Variants in TRABD2A observed in about 807,000 individuals in gnomAD.
TRABD2A encodes the protein TraB domain containing 2A.
In TRABD2A, 43 loss-of-function variants were observed where a neutral mutation model predicts 45.6. The ratio of observed to expected loss-of-function variants is 0.94; its 90% CI spans 0.74 to 1.22. The LOEUF (loss-of-function observed/expected upper bound fraction) is 1.22, where lower values mean the gene tolerates loss of function less well. TRABD2A is among the 50% of genes most tolerant of loss of function. The probability of loss-of-function intolerance (pLI) is 0.00; values close to 1 mark genes in which losing one functional copy is unlikely to be tolerated. For missense variants in TRABD2A, 642 were observed against 652.4 expected, an observed-to-expected ratio of 0.98 and a Z score of 0.17; for synonymous variants, 269 against 265.0, an observed-to-expected ratio of 1.02 and a Z score of -0.15.
At chr2:84,868,699 G>T (rs1682774369) in intron 2 of TRABD2A, among the ~76,000 whole-genome samples, 1 of 152,154 alleles carries the variant, frequency 6.6e-6, no homozygotes, top group South Asian at 2.1e-4. Context: ...AAAAGAGACA[G>T]TGTTGCACAC....
rs1286351398 is a variant in TRABD2A at position 84,839,229 on chromosome 2, C to T, written c.911G>A (p.Arg304Gln). ...CACCCGCTTCCCTATTCTCTCATTC[C>T]GCTTGTAGATCAGCTCCCGGCGTAA... ...SYLRRELIYK[R>Q]NERIGKRVKA... The change falls in exon 4 of 7, where the codon CGG becomes CAG. Residue 304 changes from arginine to glutamine, a missense_variant. Coordinates refer to ENST00000409520, the MANE Select transcript of TRABD2A (RefSeq NM_001277053.2). 3.7e-6 allele frequency: 6 copies of T among 1,613,802 alleles called. No homozygotes were observed. Among genetic ancestry groups the T allele is most frequent in the African/African-American group, 1.3e-5 (1 of 74,884 alleles).
At chr2:84,863,673 G>A (rs7598566) in intron 2 of TRABD2A, among the ~76,000 whole-genome samples, 19,868 of 141,558 alleles carry the variant, frequency 0.14, 1,794 homozygotes, top group African/African-American at 0.27. Flanking sequence ...GTGCAGTGGC[G>A]CAATCTCGGC....
chr2:84,865,657 AC>A, intron 2 of TRABD2A, among the ~76,000 whole-genome samples: 1 of 152,118 alleles, frequency 6.6e-6, no homozygotes, highest in South Asian at 2.1e-4. Context: ...TTCCTGCCCC[AC>A]CCCACCACGA....
chr2:84,870,284 C>A lies in TRABD2A; in HGVS notation c.610G>T (p.Gly204Trp), dbSNP rs1682828237. Residue 204 changes from glycine (G) to tryptophan (W), a missense_variant, in exon 2 of 7, where the codon GGG (glycine) becomes TGG (tryptophan). Gly to Trp is a radical substitution (Grantham distance 184). Coordinates refer to ENST00000409520, the MANE Select transcript of TRABD2A (RefSeq NM_001277053.2). ...TGCTCTTCCACCTTTTCCACTGCCC[C>A]AGTCTGTTTCCTCAGCCGCTCAGCC... The part of the protein sequence containing the change: ...QEAERLRKQT[G>W]AVEKVEEQCH... 6.2e-7 allele frequency: 1 copy of A among 1,613,866 alleles called. No homozygotes were observed. The highest frequency in any genetic ancestry group is 1.3e-5 in the African/African-American group (1 of 74,908).
At chr2:84,859,457 G>T (rs1267039919) in intron 2 of TRABD2A, among the ~76,000 whole-genome samples, 1 of 152,206 alleles carries the variant, frequency 6.6e-6, no homozygotes, top group Non-Finnish European at 1.5e-5. Flanking sequence ...TAAACATCTG[G>T]AAAGTTAATC....
intron 2 of TRABD2A, among the ~76,000 whole-genome samples, chr2:84,858,855 C>T (rs144823147): frequency 1.3e-5 from 2 of 152,348 alleles, no homozygotes; most frequent in African/African-American, 2.4e-5. Flanking sequence ...TGGCCATGCA[C>T]AGTGGTCCAC....
At chr2:84,843,673 C>T (rs1476750267) in intron 2 of TRABD2A, 1 of 152,276 alleles carries the variant, frequency 6.6e-6, no homozygotes, top group African/African-American at 2.4e-5. Flanking sequence ...GGCAAGCTAA[C>T]TGAATGGCTG....
rs1444424358 is a variant in TRABD2A, at chr2:84,870,742, G to A, written c.152C>T (p.Pro51Leu). 1.3e-6 allele frequency: 2 copies of A among 1,598,208 alleles called. No individual in the cohort carries two copies. The highest frequency in any genetic ancestry group is 1.7e-6 in the Non-Finnish European group (2 of 1,172,324). Reference sequence around the variant, plus strand: ...GATTGTGCCAAAGAAGTAAGATGGTGGGTCTCGCTTAATGGTCCACAAGAA... The same window carrying A: ...GATTGTGCCAAAGAAGTAAGATGGTAGGTCTCGCTTAATGGTCCACAAGAA... ...NSFLWTIKRD[P>L]PSYFFGTIHV... The change falls in exon 2 of 7, where the codon CCA becomes CTA. Residue 51 changes from proline to leucine, a missense_variant. Physicochemically the swap from Pro to Leu is moderately conservative, Grantham distance 98 (BLOSUM62 -3). Transcript: ENST00000409520.
chr2:84,846,154 A>G (rs1681888405), intron 2 of TRABD2A, among the ~76,000 whole-genome samples: 1 of 152,146 alleles, frequency 6.6e-6, no homozygotes, highest in African/African-American at 2.4e-5. Flanking sequence ...CCATACTATA[A>G]ACACTCTTCT....
At chr2:84,838,724 G>A (rs1681603825) in intron 4 of TRABD2A, among the ~76,000 whole-genome samples, 1 of 152,190 alleles carries the variant, frequency 6.6e-6, no homozygotes, top group African/African-American at 2.4e-5. Flanking sequence ...CTCCATGTGT[G>A]CTGCTAACAG....
rs543037370 is a variant in TRABD2A, at chr2:84,866,000, G to A, written c.669+4225C>T. Among the ~76,000 whole-genome samples the A allele has an allele frequency of 1.2e-4, 19 of 152,312 alleles. No homozygotes were observed. In the South Asian group the frequency reaches 3.3e-3, roughly 27 times the overall value. ...AGGAGTCATAACTTGATTCGATACC[G>A]AGGGGCAAGGATGATGTCTGCCCTG... On this transcript the variant is annotated intron_variant, in intron 2 of 6. Coordinates refer to ENST00000409520, the MANE Select transcript of TRABD2A (RefSeq NM_001277053.2).
Position 84,839,139 on chromosome 2 carries a change from C to T in TRABD2A, c.991+10G>A, listed in dbSNP as rs1307522987. On this transcript the variant is annotated intron_variant, in intron 4 of 6. Coordinates refer to ENST00000409520, the MANE Select transcript of TRABD2A (RefSeq NM_001277053.2). ...TTTCAGAGGCTAATCAGAGGTGACC[C>T]ACTACTCACCAGCTCCAAAGGCAAA... 4 of 1,613,572 alleles carry T rather than the reference C, an allele frequency of 2.5e-6. No individual in the cohort carries two copies. In the Admixed American group the frequency reaches 5.0e-5, roughly 20 times the overall value.
intron 2 of TRABD2A, chr2:84,843,719 A>T (rs1055724260): frequency 6.6e-6 from 1 of 152,138 alleles, no homozygotes; most frequent in African/African-American, 2.4e-5. Flanking sequence ...TAATCCCATA[A>T]AGGCCTTATA....
intron 1 of TRABD2A, 24 bp downstream of exon 1, chr2:84,880,908 T>G: frequency 6.4e-7 from 1 of 1,570,796 alleles, no homozygotes; most frequent in Non-Finnish European, 8.6e-7. Context: ...AGGCCGGCTC[T>G]CCAGCACCCG....
rs1165423461 is a variant in TRABD2A at position 84,863,650 on chromosome 2, T to C, written c.669+6575A>G. Among the ~76,000 whole-genome samples, 142 of 120,920 alleles carry C rather than the reference T, an allele frequency of 1.2e-3. No individual in the cohort carries two copies. The Middle Eastern group carries it at 0.024, about 20-fold the overall frequency. The allele number at this position is 120,920 out of a possible 152,430, so 79.3% of individuals were successfully genotyped here. A position where few individuals can be genotyped will look rare whatever the true frequency, so the allele number is the denominator to read the frequency against. ...TTTTTGAGACAGAGTCTCGCTCTGA[T>C]GCCCAGGCTGGAGTGCAGTGGCGCA... On this transcript the variant is annotated intron_variant, in intron 2 of 6. Transcript: ENST00000409520.
At chr2:84,855,943 A>G (rs745617837) in intron 2 of TRABD2A, among the ~76,000 whole-genome samples, 18 of 152,104 alleles carry the variant, frequency 1.2e-4, no homozygotes, top group Non-Finnish European at 2.2e-4. Context: ...CTCAGATCAA[A>G]GACCTGCTCT....
intron 2 of TRABD2A, among the ~76,000 whole-genome samples, chr2:84,869,035 T>C (rs560208982): frequency 6.6e-6 from 1 of 152,302 alleles, no homozygotes; most frequent in South Asian, 2.1e-4. Flanking sequence ...CTATAGCATA[T>C]AGAATAGCAT....
chr2:84,829,665 G>C, intron 5 of TRABD2A, among the ~76,000 whole-genome samples: 2 of 137,636 alleles, frequency 1.5e-5, no homozygotes, highest in African/African-American at 2.8e-5. Flanking sequence ...CAGACATGCA[G>C]CACACATACC....
At chr2:84,855,628 G>T (rs890214313) in intron 2 of TRABD2A, among the ~76,000 whole-genome samples, 2 of 151,780 alleles carry the variant, frequency 1.3e-5, no homozygotes, top group African/African-American at 4.8e-5. Flanking sequence ...ACCCTTCCTT[G>T]CCCCCTAGCC....
Sources: allele counts gnomAD v4.1 joint callset (sites outside exome capture counted in the v4.1 genomes callset), GRCh38; gene constraint gnomAD v4.1.1; transcripts MANE v1.5; gene names NCBI Gene and HGNC (gene_info 2026-07-23, HGNC 2026-07-21).